IL1RL1: variants seen among roughly 807,000 people sequenced by gnomAD.
The protein encoded by IL1RL1 is interleukin-1 receptor-like 1.
Under a neutral mutation model 50.9 loss-of-function variants are expected in IL1RL1, and 32 were observed. The ratio of observed to expected loss-of-function variants is 0.63; its 90% CI spans 0.47 to 0.84. IL1RL1 has a LOEUF of 0.84. Among genes scored for constraint, IL1RL1 ranks in the 40% least tolerant of loss-of-function variants. The pLI is 0.00. For synonymous variants in IL1RL1, 275 were observed against 236.0 expected (o/e 1.17, Z -1.51); for missense variants, 773 against 662.9 (o/e 1.17, Z -1.82).
At chr2:102,317,826 G>C (rs1008839211) in intron 1 of IL1RL1, among the ~76,000 whole-genome samples, 1 of 152,082 alleles carries the variant, frequency 6.6e-6, no homozygotes, top group African/African-American at 2.4e-5. Context: ...CAAAGGGTGG[G>C]AGAGGATAGA....
chr2:102,325,648 A>T (rs922549581), intron 1 of IL1RL1, among the ~76,000 whole-genome samples: 5 of 152,232 alleles, frequency 3.3e-5, no homozygotes, highest in African/African-American at 1.2e-4. Flanking sequence ...AATGCAGAGA[A>T]GTCCTTAAAG....
In IL1RL1 at chr2:102,342,331, G is replaced by A. The variant is rs1461893616; in HGVS notation, c.682+37G>A. On this transcript the variant is annotated intron_variant, in intron 6 of 10. Transcript: ENST00000233954. ...TATCAGAATGCTGTAAATATTGCCT[G>A]GAAAAATCCTTCCATATGACCCCTG... 4 of 1,434,732 alleles carry A rather than the reference G, an allele frequency of 2.8e-6. No homozygotes were observed. The Admixed American group carries it at 5.0e-5, about 18-fold the overall frequency. 88.9% of individuals were successfully genotyped at this position (1,434,732 alleles called of 1,614,324 possible). A position where few individuals can be genotyped will look rare whatever the true frequency, so the allele number is the denominator to read the frequency against.
At chr2:102,314,823 G>C (rs537132532) in intron 1 of IL1RL1, among the ~76,000 whole-genome samples, 1 of 152,158 alleles carries the variant, frequency 6.6e-6, no homozygotes, top group Non-Finnish European at 1.5e-5. Context: ...AGAAACAAAG[G>C]CTTGCTGGAT....
chr2:102,345,741 C>T lies in IL1RL1; in HGVS notation c.971-2204C>T, dbSNP rs1459131616. 1.6e-5 allele frequency: 16 copies of T among 985,120 alleles called. No homozygotes were observed. The Admixed American group carries it at 6.2e-4, about 38-fold the overall frequency. 61.0% of individuals were successfully genotyped at this position (985,120 alleles called of 1,614,324 possible). ...AACTCATGTAGATGGCTATAAGTGC[C>T]GTAGTGTTCTGTGGGTCTCTGGTGT... is the stretch of plus-strand genomic sequence containing the variant. On this transcript the variant is annotated intron_variant, in intron 8 of 10. Transcript: ENST00000233954.
At chr2:102,342,046 C>CGTGTGTGTGTGTGT (rs67962088) in intron 5 of IL1RL1, among the ~76,000 whole-genome samples, 177 bp from the exon 6 acceptor site, 4 of 144,066 alleles carry the variant, frequency 2.8e-5, no homozygotes, top group African/African-American at 7.8e-5. Flanking sequence ...CTTTCTGTTT[C>CGTGTGTGTGTGTGT]GTGTGTGTGT....
rs145147690 is a variant in IL1RL1, at chr2:102,351,577, C to T, written c.1327C>T (p.Arg443Trp). The T allele has an allele frequency of 4.6e-5, 75 of 1,613,836 alleles. No individual in the cohort carries two copies. The highest frequency in any genetic ancestry group is 1.0e-4 in the Admixed American group (6 of 59,976). ...GGAAACCAACATACGAAAGAGCAGG[C>T]GGCACATTTTCATCCTGACCCCTCA... ...AVETNIRKSR[R>W]HIFILTPQIT... Residue 443 changes from arginine (R) to tryptophan (W), a missense_variant, in exon 11 of 11, where the codon CGG becomes TGG. Coordinates refer to ENST00000233954, the MANE Select transcript of IL1RL1 (RefSeq NM_016232.5).
rs1288520024 is a variant in IL1RL1, at chr2:102,339,015, T to C, written c.240T>C (p.Ala80=). ...TGAAGTTTCTACCAGCTGCAGTTGC[T>C]GATTCTGGTATTTATACCTGTATTG... ...QLLKFLPAAV[A]DSGIYTCIVR... is the part of the protein sequence containing the mutation. Residue 80 remains alanine, a synonymous_variant, in exon 3 of 11, where the codon GCT becomes GCC. Coordinates refer to ENST00000233954, the MANE Select transcript of IL1RL1 (RefSeq NM_016232.5). The C allele has an allele frequency of 2.5e-6, 4 of 1,613,680 alleles. No homozygotes were observed. The Admixed American group carries it at 6.7e-5, about 27-fold the overall frequency.
At chr2:102,318,044 T>A (rs1473020248) in intron 1 of IL1RL1, among the ~76,000 whole-genome samples, 1 of 151,644 alleles carries the variant, frequency 6.6e-6, no homozygotes, top group African/African-American at 2.4e-5. Context: ...ATCAGAGAGG[T>A]GAGAGGTGAC....
rs1573156675 is a variant in IL1RL1 at position 102,343,050 on chromosome 2, C to T, written c.697C>T (p.Leu233=). ...CTCCCCTCTAGGAAAAAACGCAAAC[C>T]TAACTTGCTCTGCTTGTTTTGGAAA... is the stretch of plus-strand genomic sequence containing the variant. ...KEVEIGKNAN[L]TCSACFGKGT... Residue 233 remains leucine, a synonymous_variant, in exon 7 of 11, where the codon CTA becomes TTA. Coordinates refer to ENST00000233954, the MANE Select transcript of IL1RL1 (RefSeq NM_016232.5). The T allele has an allele frequency of 6.2e-7, 1 of 1,613,914 alleles. No individual in the cohort carries two copies. Among genetic ancestry groups the T allele is most frequent in the East Asian group, 2.2e-5 (1 of 44,872 alleles).
At chr2:102,323,441 G>A (rs1344679389) in intron 1 of IL1RL1, among the ~76,000 whole-genome samples, 1 of 152,004 alleles carries the variant, frequency 6.6e-6, no homozygotes, top group Non-Finnish European at 1.5e-5. Context: ...AATTTATTAA[G>A]AAAAAGTTTA....
intron 1 of IL1RL1, among the ~76,000 whole-genome samples, chr2:102,321,820 G>C (rs781714190): frequency 1.3e-5 from 2 of 152,208 alleles, no homozygotes; most frequent in African/African-American, 2.4e-5. Flanking sequence ...AGATGATGGA[G>C]ATTAAGAGGA....
intron 3 of IL1RL1, 30 bp downstream of exon 3, chr2:102,339,077 C>G (rs1282791638): frequency 2.0e-6 from 3 of 1,501,160 alleles, no homozygotes; most frequent in Non-Finnish European, 2.8e-6. Flanking sequence ...CATCTTCTTT[C>G]ACCCTGCTCC....
chr2:102,348,201 T>A, intron 9 of IL1RL1, 110 bp downstream of exon 9: 1 of 852,292 alleles, frequency 1.2e-6, no homozygotes, highest in Non-Finnish European at 1.8e-6. Flanking sequence ...AGATTCCATT[T>A]TGCTTGCTAA....
intron 1 of IL1RL1, among the ~76,000 whole-genome samples, chr2:102,327,006 A>G (rs1677021780): frequency 6.6e-6 from 1 of 152,202 alleles, no homozygotes; most frequent in African/African-American, 2.4e-5. Context: ...AAGCAGACCT[A>G]ATAGACATCT....
intron 5 of IL1RL1, among the ~76,000 whole-genome samples, chr2:102,341,566 G>A (rs1677565694): frequency 6.6e-6 from 1 of 152,024 alleles, no homozygotes; most frequent in South Asian, 2.1e-4. Flanking sequence ...ACAAATTTTT[G>A]GAGTTTTTCA....
intron 5 of IL1RL1, among the ~76,000 whole-genome samples, chr2:102,341,800 G>A (rs1010513914): frequency 6.6e-6 from 1 of 152,168 alleles, no homozygotes; most frequent in Non-Finnish European, 1.5e-5. Context: ...CTGAGGATGG[G>A]CCACCCTAGT....
At chr2:102,349,389 G>A (rs556507782) in intron 10 of IL1RL1, 143 bp downstream of exon 10, 2 of 645,716 alleles carry the variant, frequency 3.1e-6, no homozygotes, top group Admixed American at 2.6e-5. Context: ...TTATCCAGAA[G>A]CAGACACTTA....
chr2:102,323,142 G>A (rs746027357), intron 1 of IL1RL1, among the ~76,000 whole-genome samples: 6 of 151,600 alleles, frequency 4.0e-5, no homozygotes, highest in Admixed American at 6.6e-5. Flanking sequence ...TGGCATTTAT[G>A]AACATTCTTT....
intron 1 of IL1RL1, among the ~76,000 whole-genome samples, chr2:102,328,999 A>C (rs1677095657): frequency 6.6e-6 from 1 of 152,192 alleles, no homozygotes; most frequent in African/African-American, 2.4e-5. Context: ...TTTAAAGTTC[A>C]CACAGAACCA....
Sources: allele counts gnomAD v4.1 joint callset (sites outside exome capture counted in the v4.1 genomes callset), GRCh38; gene constraint gnomAD v4.1.1; transcripts MANE v1.5; gene names NCBI Gene and HGNC (gene_info 2026-07-23, HGNC 2026-07-21).